The following TGM5 variants were observed in gnomAD, a reference collection of about 807,000 sequenced individuals.
TGM5 encodes transglutaminase 5.
In TGM5, 69 loss-of-function variants were observed where a neutral mutation model predicts 77.2. The observed-to-expected ratio is 0.89, with a 90% CI of 0.74 to 1.09. TGM5 has a LOEUF of 1.09. TGM5 is among the 50% of genes least tolerant of loss of function. The pLI is 0.00. For synonymous variants in TGM5, 346 were observed against 351.8 expected, an observed-to-expected ratio of 0.98 and a Z score of 0.18; for missense variants, 842 against 896.5, an observed-to-expected ratio of 0.94 and a Z score of 0.78.
In TGM5 at chr15:43,261,060, CTTTTTTTGTGTGTGTGTT is replaced by C. The variant is rs1210088084; in HGVS notation, c.11-499_11-482del. ...TAACTCCTTGGGCTAGCTGCTCTTC[CTTTTTTTGTGTGTGTGTT>C]TTTTTTTTTTTTTTTTTTTTTTTTT... On this transcript the variant is annotated intron_variant, in intron 1 of 12. Coordinates refer to ENST00000220420, the MANE Select transcript of TGM5 (RefSeq NM_201631.4). 1.1e-3 allele frequency among the ~76,000 whole-genome samples: 104 copies of C among 90,596 alleles called. 16 individuals are homozygous for C. Among genetic ancestry groups the C allele is most frequent in the African/African-American group, 6.6e-3 (104 of 15,796 alleles). 59.4% of individuals were successfully genotyped at this position (90,596 alleles called of 152,430 possible).
rs2042743379 is a variant in TGM5 at position 43,256,548 on chromosome 15, TA to T, written c.555+19del. 1 of 1,593,876 alleles carries T rather than the reference TA, an allele frequency of 6.3e-7. No homozygotes were observed. Among genetic ancestry groups the T allele is most frequent in the African/African-American group, 1.3e-5 (1 of 74,536 alleles). ...ACAAGCTCGGGGCCGGGATGGGCCATAAGCAGGGCTGAGACTCACCTGTCCA... is the reference window on the plus strand; with the variant it reads ...ACAAGCTCGGGGCCGGGATGGGCCATAGCAGGGCTGAGACTCACCTGTCCA... On this transcript the variant is annotated intron_variant, in intron 4 of 12. Coordinates refer to ENST00000220420, the MANE Select transcript of TGM5 (RefSeq NM_201631.4).
rs144575810 is a variant in TGM5 at position 43,252,771 on chromosome 15, C to T, written c.850G>A (p.Val284Ile). 1,808 of 1,613,908 alleles carry T rather than the reference C, an allele frequency of 1.1e-3. 1 individual carries two copies. The highest frequency in any genetic ancestry group is 1.4e-3 in the Non-Finnish European group (1,605 of 1,180,020). ...RYGQCWVFAAVMCTVMRCLGI... is the reference protein window; with the variant it reads ...RYGQCWVFAAIMCTVMRCLGI... ...TTCTACCTCCTACCTGTGCACATGA[C>T]GGCAGCAAAGACCCAGCATTGCCCG... The change falls in exon 6 of 13, where the codon GTC becomes ATC. Residue 284 changes from valine (V) to isoleucine (I), a missense_variant. Physicochemically the swap from Val to Ile is conservative, Grantham distance 29. This residue lies in a region of TGM5 where 815 missense variants were observed against 844.6 expected (regional missense o/e 0.96). Transcript: ENST00000220420.
At chr15:43,235,444 G>A (rs565891716) in intron 10 of TGM5, 25 bp downstream of exon 10, 47 of 1,613,910 alleles carry the variant, frequency 2.9e-5, no homozygotes, top group South Asian at 2.3e-4. Context: ...CCAACTCTGC[G>A]TACACAAACT....
rs137896238 is a variant in TGM5 at position 43,240,907 on chromosome 15, C to T, written c.946G>A (p.Glu316Lys). The stretch of plus-strand genomic sequence containing the variant: ...ATCCTGCCTGTGTTGTCATAATACT[C>T]ATCTATGATCAGGTTTCCATCTGTA... Reference protein sequence around the residue: ...HDTDGNLIIDEYYDNTGRILG... With the variant: ...HDTDGNLIIDKYYDNTGRILG... The change falls in exon 7 of 13, where the codon GAG becomes AAG. Residue 316 changes from glutamate (E) to lysine (K), a missense_variant. Coordinates refer to ENST00000220420, the MANE Select transcript of TGM5 (RefSeq NM_201631.4). The T allele has an allele frequency of 1.5e-5, 25 of 1,614,056 alleles. No individual in the cohort carries two copies. The highest frequency in any genetic ancestry group is 2.0e-5 in the Non-Finnish European group (24 of 1,180,050).
intron 6 of TGM5, among the ~76,000 whole-genome samples, chr15:43,249,817 A>G (rs2042692390): frequency 6.6e-6 from 1 of 152,236 alleles, no homozygotes; most frequent in Non-Finnish European, 1.5e-5. Context: ...TCTTTGAGGC[A>G]CGCAAAGCCT....
Position 43,253,590 on chromosome 15 carries a change from C to G in TGM5, c.600G>C (p.Lys200Asn), listed in dbSNP as rs758206600. ...CTGGGTCAGTCTGGAAGTGCAGGCT[C>G]TTGTCTAGCAGCTTCAGGCAGATGT... ...IIDICLKLLD[K>N]SLHFQTDPAT... The change falls in exon 5 of 13, where the codon AAG becomes AAC. Residue 200 changes from lysine to asparagine, a missense_variant. By Grantham distance (94) the Lys-to-Asn change is moderately conservative. Coordinates refer to ENST00000220420, the MANE Select transcript of TGM5 (RefSeq NM_201631.4). The G allele has an allele frequency of 3.7e-6, 6 of 1,613,784 alleles. No individual in the cohort carries two copies. Among genetic ancestry groups the G allele is most frequent in the Middle Eastern group, 3.3e-4 (2 of 6,046 alleles).
At chr15:43,250,101 G>A (rs565720529) in intron 6 of TGM5, among the ~76,000 whole-genome samples, 1 of 152,306 alleles carries the variant, frequency 6.6e-6, no homozygotes, top group African/African-American at 2.4e-5. Flanking sequence ...TCATGAGGTG[G>A]TATGGCCTGA....
At chr15:43,262,856 C>T (rs1026722092) in intron 1 of TGM5, among the ~76,000 whole-genome samples, 1 of 152,162 alleles carries the variant, frequency 6.6e-6, no homozygotes, top group African/African-American at 2.4e-5. Context: ...ATCTATTTAA[C>T]ATTCTACTAG....
intron 9 of TGM5, 76 bp from the exon 10 acceptor site, chr15:43,235,913 A>C: frequency 6.3e-7 from 1 of 1,591,624 alleles, no homozygotes; most frequent in East Asian, 2.2e-5. Flanking sequence ...GCCATCCCCC[A>C]CCCAATATCT....
chr15:43,260,803 C>A (rs1419371809), intron 1 of TGM5: 2 of 621,666 alleles, frequency 3.2e-6, no homozygotes, highest in Non-Finnish European at 5.8e-6. Flanking sequence ...CCTCTCCTAT[C>A]TCTCTGACCC....
intron 1 of TGM5, among the ~76,000 whole-genome samples, chr15:43,261,068 G>GTT (rs1566837407): frequency 3.0e-5 from 1 of 33,520 alleles, no homozygotes; most frequent in African/African-American, 6.6e-5. Context: ...TCCTTTTTTT[G>GTT]TGTGTGTGTT....
intron 7 of TGM5, chr15:43,239,492 G>A: frequency 1.7e-6 from 1 of 577,462 alleles, no homozygotes; most frequent in South Asian, 2.1e-5. Context: ...GATTAACCTG[G>A]GCAAAAAAGG....
At position 43,235,572 on chromosome 15, in the gene TGM5, C is replaced by T; in HGVS notation, c.1611G>A (p.Lys537=). 3 of 1,614,184 alleles carry T rather than the reference C, an allele frequency of 1.9e-6. No individual in the cohort carries two copies. Among genetic ancestry groups the T allele is most frequent in the Non-Finnish European group, 2.5e-6 (3 of 1,180,042 alleles). ...GGGCACTCAGGTTCACTTTGAGGTC[C>T]TTGAACTGGGAGGACATGTTGAGGG... The part of the protein sequence containing the change: ...LLALNMSSQF[K]DLKVNLSAQS... The change falls in exon 10 of 13, where the codon AAG becomes AAA. Residue 537 remains lysine (K), a synonymous_variant. Transcript: ENST00000220420.
intron 1 of TGM5, among the ~76,000 whole-genome samples, chr15:43,265,231 C>T (rs993821937): frequency 2.0e-5 from 3 of 152,196 alleles, no homozygotes; most frequent in African/African-American, 7.2e-5. Context: ...GATTCCTGAG[C>T]CCAGTCCAGT....
At chr15:43,244,248 C>T (rs924025598) in intron 6 of TGM5, among the ~76,000 whole-genome samples, 2 of 152,182 alleles carry the variant, frequency 1.3e-5, no homozygotes, top group African/African-American at 4.8e-5. Context: ...ATTACAAATC[C>T]CCCTAGAGTT....
At chr15:43,239,622 C>G (rs2042619263) in intron 7 of TGM5, 9 of 362,128 alleles carry the variant, frequency 2.5e-5, no homozygotes, top group South Asian at 2.1e-4. Context: ...AAGGCTTGAC[C>G]TTGATCATAC....
intron 6 of TGM5, among the ~76,000 whole-genome samples, chr15:43,243,009 G>A (rs1596444049): frequency 6.6e-6 from 1 of 152,154 alleles, no homozygotes; most frequent in East Asian, 1.9e-4. Context: ...TCACCCAGAT[G>A]GATGAGTTCA....
chr15:43,234,875 G>T lies in TGM5; in HGVS notation c.1769C>A (p.Thr590Lys). 1.7e-5 allele frequency: 28 copies of T among 1,614,240 alleles called. No homozygotes were observed. Among genetic ancestry groups the T allele is most frequent in the Non-Finnish European group, 2.4e-5 (28 of 1,180,038 alleles). The change falls in exon 11 of 13, where the codon ACA (threonine) becomes AAA (lysine). Residue 590 changes from threonine (T) to lysine (K), a missense_variant. Thr to Lys is a moderately conservative substitution (Grantham distance 78). Coordinates refer to ENST00000220420, the MANE Select transcript of TGM5 (RefSeq NM_201631.4). Reference protein sequence around the residue: ...SYSQYSQYLSTDKLIRISALG... With the variant: ...SYSQYSQYLSKDKLIRISALG... ...GGCACTGATGCGGATCAGCTTGTCT[G>T]TTGACAGGTACTGGCTGTACTGGGA...
intron 8 of TGM5, 28 bp from the exon 9 acceptor site, chr15:43,239,084 G>A (rs1360010338): frequency 1.9e-6 from 3 of 1,614,170 alleles, no homozygotes; most frequent in Non-Finnish European, 2.5e-6. Flanking sequence ...AGCCTCGGTG[G>A]GCTGTTTGTT....
Sources: allele counts gnomAD v4.1 joint callset (sites outside exome capture counted in the v4.1 genomes callset), GRCh38; gene constraint gnomAD v4.1.1; regional missense constraint gnomAD v4.1.1; transcripts MANE v1.5; gene names NCBI Gene and HGNC (gene_info 2026-07-23, HGNC 2026-07-21).